PCDH7: variants seen among roughly 807,000 people sequenced by gnomAD.
PCDH7 encodes the protein protocadherin-7.
Under a neutral mutation model 58.9 loss-of-function variants are expected in PCDH7, and 17 were observed. The observed-to-expected ratio is 0.29, with a 90% CI of 0.20 to 0.43. The LOEUF is 0.43. Ranked by LOEUF, PCDH7 falls within the 20% of genes least tolerant of loss-of-function variation. The pLI is 1.00. For synonymous variants in PCDH7, 664 were observed against 616.4 expected, an observed-to-expected ratio of 1.08 and a Z score of -1.14; for missense variants, 1,274 against 1,441.0, an observed-to-expected ratio of 0.88 and a Z score of 1.88.
chr4:30,841,242 A>G (rs148951105), intron 1 of PCDH7, among the ~76,000 whole-genome samples: 5 of 152,154 alleles, frequency 3.3e-5, no homozygotes, highest in African/African-American at 7.2e-5. Flanking sequence ...AGACAATGAA[A>G]AAAAGTCACT....
At chr4:30,940,695 G>A (rs889829002) in intron 2 of PCDH7, among the ~76,000 whole-genome samples, 1 of 151,938 alleles carries the variant, frequency 6.6e-6, no homozygotes, top group African/African-American at 2.4e-5. Context: ...TAGATGGTAG[G>A]GGAGAGAAGG....
chr4:30,796,808 G>A (rs1433667496), intron 1 of PCDH7, among the ~76,000 whole-genome samples: 3 of 151,892 alleles, frequency 2.0e-5, no homozygotes, highest in Non-Finnish European at 2.9e-5. Flanking sequence ...TATAACTTTC[G>A]AAGGCTTTTA....
At chr4:30,724,710 A>G (rs527323951) in intron 1 of PCDH7, 114 bp downstream of exon 1, 244 of 1,455,766 alleles carry the variant, frequency 1.7e-4, no homozygotes, top group Non-Finnish European at 2.1e-4. Flanking sequence ...AAATTTTAAC[A>G]GTAGGAATTT....
chr4:30,834,245 A>T (rs1014404306), intron 1 of PCDH7, among the ~76,000 whole-genome samples: 11 of 152,150 alleles, frequency 7.2e-5, no homozygotes, highest in African/African-American at 2.7e-4. Context: ...ACTTGGTTTA[A>T]TGGTTTGCTG....
intron 1 of PCDH7, among the ~76,000 whole-genome samples, chr4:30,767,501 C>T (rs903498192): frequency 6.6e-6 from 1 of 152,154 alleles, no homozygotes; most frequent in African/African-American, 2.4e-5. Flanking sequence ...TTGGATATTT[C>T]AACCAATCTG....
chr4:30,859,524 C>T (rs1286509647), intron 1 of PCDH7, among the ~76,000 whole-genome samples: 1 of 151,648 alleles, frequency 6.6e-6, no homozygotes, highest in East Asian at 1.9e-4. Flanking sequence ...ACTGCAACCT[C>T]CACCTCCAAG....
exon 2 of PCDH7, chr4:30,731,273 T>A: frequency 2.7e-5 from 7 of 262,392 alleles, no homozygotes; most frequent in Non-Finnish European, 4.1e-5. Context: ...GAGTGAAGGA[T>A]AATATCTTTT....
At chr4:30,788,035 A>T (rs1319652653) in intron 1 of PCDH7, among the ~76,000 whole-genome samples, 1 of 152,110 alleles carries the variant, frequency 6.6e-6, no homozygotes, top group African/African-American at 2.4e-5. Context: ...GAGTAGGCTC[A>T]TGTGAAATTA....
chr4:30,859,276 A>G (rs1458205940), intron 1 of PCDH7, among the ~76,000 whole-genome samples: 2 of 152,270 alleles, frequency 1.3e-5, no homozygotes, highest in South Asian at 2.1e-4. Context: ...TAAATCGTTT[A>G]TCAATTTTTA....
At chr4:30,965,017 G>A (rs1263394600) in intron 3 of PCDH7, among the ~76,000 whole-genome samples, 1 of 152,094 alleles carries the variant, frequency 6.6e-6, no homozygotes, top group Admixed American at 6.5e-5. Flanking sequence ...AAGCACTTAT[G>A]GCATGCTCTA....
intron 2 of PCDH7, among the ~76,000 whole-genome samples, chr4:30,927,366 C>T (rs985537949): frequency 6.6e-6 from 1 of 151,914 alleles, no homozygotes; most frequent in Non-Finnish European, 1.5e-5. Context: ...TACCCAACAG[C>T]TCATTGAGAA....
chr4:31,030,834 A>G (rs755174536), intron 3 of PCDH7, among the ~76,000 whole-genome samples: 1 of 152,198 alleles, frequency 6.6e-6, no homozygotes, highest in Admixed American at 6.5e-5. Context: ...AAAAAACTAC[A>G]AGACAGTTGT....
chr4:30,967,955 C>A (rs1217542716), intron 3 of PCDH7, among the ~76,000 whole-genome samples: 3 of 151,994 alleles, frequency 2.0e-5, no homozygotes, highest in African/African-American at 2.4e-5. Context: ...CCTCACTCTT[C>A]CAAGAGACTA....
At chr4:30,980,092 C>G (rs527744037) in intron 3 of PCDH7, among the ~76,000 whole-genome samples, 2 of 152,100 alleles carry the variant, frequency 1.3e-5, no homozygotes, top group African/African-American at 4.8e-5. Flanking sequence ...GAATAAGGAG[C>G]CTTCTGATTT....
chr4:31,018,004 A>G (rs1753753184), intron 3 of PCDH7, among the ~76,000 whole-genome samples: 2 of 152,230 alleles, frequency 1.3e-5, no homozygotes, highest in South Asian at 4.1e-4. Flanking sequence ...ATTATAAATT[A>G]GACAGTTTTA....
chr4:30,757,021 C>T (rs1490947989), intron 1 of PCDH7, among the ~76,000 whole-genome samples: 2 of 152,188 alleles, frequency 1.3e-5, no homozygotes, highest in African/African-American at 4.8e-5. Flanking sequence ...GGGGGTACTT[C>T]TACCTCCAAA....
At chr4:31,107,500 G>A (rs1447610878) in intron 3 of PCDH7, among the ~76,000 whole-genome samples, 1 of 152,194 alleles carries the variant, frequency 6.6e-6, no homozygotes, top group Non-Finnish European at 1.5e-5. Flanking sequence ...ACAGATGACA[G>A]AGGAAGGAAA....
chr4:30,722,644 G>T lies in PCDH7; in HGVS notation c.1222G>T (p.Glu408Ter). 1 of 1,613,478 alleles carries T rather than the reference G, an allele frequency of 6.2e-7. No individual in the cohort carries two copies. Among genetic ancestry groups the T allele is most frequent in the Non-Finnish European group, 8.5e-7 (1 of 1,180,034 alleles). ...CACCGTGGTCCTTAACATCAAAGAC[G>T]AGAACGACAACGTGCCGTCCATTGA... The change falls in exon 1 of 2, where the codon GAG becomes TAG. Residue 408 changes from glutamate (E) to a stop codon, truncating the protein, a stop_gained. Coordinates refer to ENST00000361762, the Ensembl canonical transcript of PCDH7. LOFTEE classifies it high-confidence loss of function. The surrounding 1 kb of genome is among the most constrained non-coding windows in gnomAD (Gnocchi z 7.6).
chr4:31,101,944 C>T (rs1016902647), intron 3 of PCDH7, among the ~76,000 whole-genome samples: 1 of 152,154 alleles, frequency 6.6e-6, no homozygotes, highest in Non-Finnish European at 1.5e-5. Context: ...TTAACAAACT[C>T]ATCTTTTTAT....
Sources: gnomAD v4.1 joint callset for allele counts (sites outside exome capture counted in the v4.1 genomes callset) on GRCh38, gnomAD v4.1.1 for gene constraint, Gnocchi (gnomAD v3.1) non-coding constraint, MANE v1.5 for transcripts, NCBI Gene and HGNC (gene_info 2026-07-23, HGNC 2026-07-21) for gene names.